Variants in RYR2 observed in about 807,000 individuals in gnomAD.
RYR2 encodes ryanodine receptor 2, also known as cardiac muscle ryanodine receptor-calcium release channel.
In RYR2, 227 loss-of-function variants were observed where a neutral mutation model predicts 601.1. The ratio of observed to expected loss-of-function variants is 0.38; its 90% CI spans 0.34 to 0.42. The LOEUF is 0.42. Ranked by LOEUF, RYR2 falls within the 10% of genes least tolerant of loss-of-function variation. The pLI, the probability that RYR2 is intolerant of heterozygous loss-of-function variation, is 1.00. For synonymous variants in RYR2, 2,223 were observed against 2,175.1 expected (o/e 1.02, Z -0.61); for missense variants, 4,646 against 6,156.5 (o/e 0.75, Z 8.21).
intron 8 of RYR2, among the ~76,000 whole-genome samples, chr1:237,385,158 T>A (rs1427053085): frequency 1.3e-5 from 2 of 152,136 alleles, no homozygotes; most frequent in Non-Finnish European, 2.9e-5. Context: ...CATAGTGCTG[T>A]GATTACAGGC....
At chr1:237,508,494 A>T (rs538441364) in intron 23 of RYR2, among the ~76,000 whole-genome samples, 1 of 151,648 alleles carries the variant, frequency 6.6e-6, no homozygotes, top group South Asian at 2.1e-4. Context: ...TAAAACAAAC[A>T]GCAAAACCCC....
intron 12 of RYR2, among the ~76,000 whole-genome samples, chr1:237,440,343 G>A (rs767067529): frequency 1.1e-4 from 17 of 152,058 alleles, no homozygotes; most frequent in East Asian, 1.9e-4. Flanking sequence ...TAGAAGACAC[G>A]TAAAGTAAAT....
chr1:237,712,361 G>A (rs1573628970), intron 71 of RYR2, among the ~76,000 whole-genome samples: 1 of 152,042 alleles, frequency 6.6e-6, no homozygotes, highest in East Asian at 1.9e-4. Context: ...GATAGGTGAG[G>A]CAGGGGTCAG....
intron 1 of RYR2, among the ~76,000 whole-genome samples, chr1:237,135,172 A>G (rs540917640): frequency 6.6e-6 from 1 of 152,260 alleles, no homozygotes; most frequent in South Asian, 2.1e-4. Flanking sequence ...ATTTTCAGGT[A>G]TCTTCAGGAA....
intron 3 of RYR2, among the ~76,000 whole-genome samples, chr1:237,340,349 A>T (rs1697657947): frequency 6.6e-6 from 1 of 152,220 alleles, no homozygotes; most frequent in African/African-American, 2.4e-5. Context: ...AGGTATGAAT[A>T]ACAATGCCTC....
At chr1:237,686,569 T>A (rs1352135441) in intron 62 of RYR2, among the ~76,000 whole-genome samples, 1 of 152,112 alleles carries the variant, frequency 6.6e-6, no homozygotes, top group African/African-American at 2.4e-5. Flanking sequence ...GAAGGGTATT[T>A]CTCAAAATAG....
At chr1:237,619,165 G>A (rs922546254) in intron 38 of RYR2, among the ~76,000 whole-genome samples, 11 of 152,142 alleles carry the variant, frequency 7.2e-5, no homozygotes, top group Non-Finnish European at 1.3e-4. Context: ...TCATGTGTGT[G>A]AAGAACCAAG....
rs564346919 is a variant in RYR2 at position 237,803,591 on chromosome 1, C to G, written c.14151+1675C>G. On this transcript the variant is annotated intron_variant, in intron 98 of 104. Transcript: ENST00000366574. Reference sequence around the variant, plus strand: ...CTGGGATTACAAGCGTGAGCCACCACGCCCAGTCTTGCATTTCTTAATGCC... The same window carrying G: ...CTGGGATTACAAGCGTGAGCCACCAGGCCCAGTCTTGCATTTCTTAATGCC... Among the ~76,000 whole-genome samples the G allele has an allele frequency of 3.9e-5, 6 of 152,300 alleles. 1 individual carries two copies. In the East Asian group the frequency reaches 5.8e-4, roughly 15 times the overall value.
chr1:237,728,298 G>A (rs1690364445), intron 76 of RYR2, among the ~76,000 whole-genome samples: 1 of 152,126 alleles, frequency 6.6e-6, no homozygotes, highest in Admixed American at 6.6e-5. Context: ...GGTCTAAAAT[G>A]TATTAGCATC....
At chr1:237,046,263 A>G (rs1314523167) in intron 1 of RYR2, among the ~76,000 whole-genome samples, 1 of 152,226 alleles carries the variant, frequency 6.6e-6, no homozygotes, top group Non-Finnish European at 1.5e-5. Flanking sequence ...AATGGTATGA[A>G]GTCAGTACTC....
chr1:237,382,510 A>T (rs1426521831), intron 8 of RYR2, among the ~76,000 whole-genome samples: 1 of 136,672 alleles, frequency 7.3e-6, no homozygotes, highest in Non-Finnish European at 1.5e-5. Flanking sequence ...ATATCTCCTA[A>T]TGTTATCCCT....
chr1:237,144,739 A>C (rs1366721929), intron 1 of RYR2, among the ~76,000 whole-genome samples: 5 of 152,188 alleles, frequency 3.3e-5, no homozygotes, highest in Non-Finnish European at 7.3e-5. Flanking sequence ...AGACTCTATC[A>C]TATTCCTTGT....
intron 3 of RYR2, among the ~76,000 whole-genome samples, chr1:237,334,088 A>G (rs1306972157): frequency 1.3e-5 from 2 of 152,170 alleles, no homozygotes; most frequent in African/African-American, 2.4e-5. Flanking sequence ...AACACACTTG[A>G]TGATAAGGAA....
intron 3 of RYR2, among the ~76,000 whole-genome samples, chr1:237,347,781 C>T (rs1698426163): frequency 6.6e-6 from 1 of 151,724 alleles, no homozygotes; most frequent in Non-Finnish European, 1.5e-5. Flanking sequence ...AACACCCAAA[C>T]CTCCCCCAAA....
intron 2 of RYR2, among the ~76,000 whole-genome samples, chr1:237,298,457 C>G (rs1256701325): frequency 2.6e-5 from 4 of 152,078 alleles, no homozygotes; most frequent in Non-Finnish European, 4.4e-5. Flanking sequence ...TTGGTGTAGG[C>G]TTTACAGATG....
At chr1:237,793,377 C>A (rs1036403790) in intron 94 of RYR2, among the ~76,000 whole-genome samples, 1 of 152,150 alleles carries the variant, frequency 6.6e-6, no homozygotes. Flanking sequence ...GACAAACTGA[C>A]AGATTTTTGC....
intron 61 of RYR2, 50 bp downstream of exon 61, chr1:237,678,162 A>G: frequency 9.9e-7 from 1 of 1,010,762 alleles, no homozygotes; most frequent in South Asian, 1.3e-5. Context: ...TTGTTTACAT[A>G]CCCTACTCAT....
intron 1 of RYR2, among the ~76,000 whole-genome samples, chr1:237,171,850 A>G (rs1008957): frequency 6.6e-6 from 1 of 152,062 alleles, no homozygotes; most frequent in Non-Finnish European, 1.5e-5. Context: ...GCTCTGTGCT[A>G]TCATAAGGAG....
chr1:237,467,652 T>C (rs1022679959), intron 16 of RYR2, among the ~76,000 whole-genome samples: 2 of 152,206 alleles, frequency 1.3e-5, no homozygotes, highest in Non-Finnish European at 2.9e-5. Flanking sequence ...GCGTCTTTTC[T>C]GTGTGTTTCT....
Sources: gnomAD v4.1 joint callset for allele counts (sites outside exome capture counted in the v4.1 genomes callset) on GRCh38, gnomAD v4.1.1 for gene constraint, MANE v1.5 for transcripts, NCBI Gene and HGNC (gene_info 2026-07-23, HGNC 2026-07-21) for gene names.